The following DCHS2 variants were observed in gnomAD, a reference collection of about 807,000 sequenced individuals.
The protein encoded by DCHS2 is dachsous cadherin-related 2, also known as protocadherin-23.
Under a neutral mutation model 182.4 loss-of-function variants are expected in DCHS2, and 142 were observed. The ratio of observed to expected loss-of-function variants is 0.78; its 90% CI spans 0.68 to 0.89. The LOEUF is 0.89. Ranked by LOEUF, DCHS2 falls within the 40% of genes least tolerant of loss-of-function variation. DCHS2 has a pLI of 0.00. For synonymous variants in DCHS2, 1,740 were observed against 1,663.3 expected (o/e 1.05, Z -1.12); for missense variants, 4,319 against 4,198.6 (o/e 1.03, Z -0.79).
intron 16 of DCHS2, among the ~76,000 whole-genome samples, chr4:154,253,390 A>AAAT (rs1482492180): frequency 6.6e-6 from 1 of 152,188 alleles, no homozygotes; most frequent in Non-Finnish European, 1.5e-5. Context: ...AAGTTGAAAG[A>AAAT]AATTAGATTT....
intron 1 of DCHS2, among the ~76,000 whole-genome samples, chr4:154,416,421 T>G (rs2110903180): frequency 6.6e-6 from 1 of 152,292 alleles, no homozygotes; most frequent in African/African-American, 2.4e-5. Flanking sequence ...TTTCTTTTTC[T>G]TTTCCTTCAG....
intron 2 of DCHS2, among the ~76,000 whole-genome samples, chr4:154,372,419 GT>G (rs1730685557): frequency 6.6e-6 from 1 of 152,200 alleles, no homozygotes; most frequent in Non-Finnish European, 1.5e-5. Flanking sequence ...TCTCATGAAT[GT>G]AAAGAACAGT....
At chr4:154,350,960 A>G (rs889346870) in intron 3 of DCHS2, among the ~76,000 whole-genome samples, 4 of 152,186 alleles carry the variant, frequency 2.6e-5, no homozygotes, top group African/African-American at 9.7e-5. Flanking sequence ...AAAAGAAGGG[A>G]TGGCCAGAGG....
chr4:154,454,199 C>G (rs893682250), intron 1 of DCHS2, among the ~76,000 whole-genome samples: 2 of 152,016 alleles, frequency 1.3e-5, no homozygotes, highest in Non-Finnish European at 2.9e-5. Flanking sequence ...CATGCTCAGG[C>G]CTTTCAAAAG....
intron 14 of DCHS2, among the ~76,000 whole-genome samples, chr4:154,260,779 C>T (rs968137511): frequency 6.6e-5 from 10 of 152,166 alleles, no homozygotes; most frequent in Admixed American, 3.3e-4. Flanking sequence ...AAGCTCCATA[C>T]ACCATCTCTT....
At chr4:154,315,265 A>C (rs1056949261) in intron 10 of DCHS2, among the ~76,000 whole-genome samples, 20 of 152,192 alleles carry the variant, frequency 1.3e-4, no homozygotes, top group African/African-American at 4.6e-4. Flanking sequence ...GTAGGGAAAT[A>C]GAAAGAATTA....
chr4:154,252,629 G>A (rs946269312), intron 16 of DCHS2, among the ~76,000 whole-genome samples: 42 of 146,934 alleles, frequency 2.9e-4, no homozygotes, highest in Admixed American at 2.8e-3. Flanking sequence ...TTCCATCCAT[G>A]TTGTTGCAAA....
chr4:154,341,781 A>G (rs1729120090), intron 3 of DCHS2, among the ~76,000 whole-genome samples: 1 of 152,208 alleles, frequency 6.6e-6, no homozygotes, highest in Non-Finnish European at 1.5e-5. Flanking sequence ...GCGTATCCAT[A>G]GGCTAATCAC....
In DCHS2 at chr4:154,241,247, G is replaced by T. The variant is rs375534706; in HGVS notation, c.7073-424C>A. Among the ~76,000 whole-genome samples, 4 of 152,146 alleles carry T rather than the reference G, an allele frequency of 2.6e-5. No homozygotes were observed. The East Asian group carries it at 7.7e-4, about 29-fold the overall frequency. ...CATGGCATTTTCAAAAACAGGCCAG[G>T]TTTAAATATTTGGGCACTAATGTCC... On this transcript the variant is annotated intron_variant, in intron 17 of 19. Transcript: ENST00000357232.
At chr4:154,252,881 A>T (rs1310842714) in intron 16 of DCHS2, among the ~76,000 whole-genome samples, 3 of 152,100 alleles carry the variant, frequency 2.0e-5, no homozygotes, top group Non-Finnish European at 4.4e-5. Context: ...GAAATGTTTT[A>T]TATTTTAAAA....
At chr4:154,371,336 T>G (rs1730637931) in intron 2 of DCHS2, among the ~76,000 whole-genome samples, 1 of 152,112 alleles carries the variant, frequency 6.6e-6, no homozygotes, top group African/African-American at 2.4e-5. Context: ...GGCACCCAAC[T>G]CACTTCCTGT....
Position 154,491,752 on chromosome 4 carries a change from G to C in DCHS2, c.-397C>G, listed in dbSNP as rs994369200. The C allele has an allele frequency of 1.8e-5, 18 of 1,010,106 alleles. No individual in the cohort carries two copies. Among genetic ancestry groups the C allele is most frequent in the Non-Finnish European group, 1.9e-5 (16 of 847,266 alleles). 62.6% of individuals were successfully genotyped at this position (1,010,106 alleles called of 1,614,324 possible). A position where few individuals can be genotyped will look rare whatever the true frequency, so the allele number is the denominator to read the frequency against. ...AAAAGGAGGAGATTATATGAAGCGC[G>C]CACACACAAGGAGAGGATGGGGATC... is the stretch of plus-strand genomic sequence containing the variant. On this transcript the variant is annotated 5_prime_UTR_variant, in exon 1 of 20. Transcript: ENST00000357232.
At chr4:154,394,810 C>A (rs956355819) in intron 1 of DCHS2, among the ~76,000 whole-genome samples, 1 of 152,176 alleles carries the variant, frequency 6.6e-6, no homozygotes, top group Non-Finnish European at 1.5e-5. Flanking sequence ...CAAGAAAACT[C>A]TTCTCATAAA....
rs903824425 is a variant in DCHS2, at chr4:154,381,088, A to G, written c.2053-3644T>C. Among the ~76,000 whole-genome samples the G allele has an allele frequency of 2.0e-5, 3 of 152,092 alleles. No individual in the cohort carries two copies. In the South Asian group the frequency reaches 6.2e-4, roughly 31 times the overall value. On this transcript the variant is annotated intron_variant, in intron 1 of 19. Transcript: ENST00000357232. ...TATCGCAATCTTATGGTGCTGATTGAGCATCAGAGGATATCTCAAGAGGAT... is the reference window on the plus strand; with the variant it reads ...TATCGCAATCTTATGGTGCTGATTGGGCATCAGAGGATATCTCAAGAGGAT...
chr4:154,427,645 G>C lies in DCHS2; in HGVS notation c.2053-50201C>G, dbSNP rs529428761. ...ATGTCTTGAAAGATGGGAAAATTTAGTCTTATTGAAGTAAAAGGAAAGGGG... is the reference window on the plus strand; with the variant it reads ...ATGTCTTGAAAGATGGGAAAATTTACTCTTATTGAAGTAAAAGGAAAGGGG... On this transcript the variant is annotated intron_variant, in intron 1 of 19. Coordinates refer to ENST00000357232, the MANE Select transcript of DCHS2 (RefSeq NM_001358235.2). Among the ~76,000 whole-genome samples the C allele has an allele frequency of 8.5e-5, 13 of 152,280 alleles. No homozygotes were observed. In the South Asian group the frequency reaches 2.7e-3, roughly 32 times the overall value.
chr4:154,247,736 C>A (rs141093486), intron 16 of DCHS2, among the ~76,000 whole-genome samples: 3 of 151,120 alleles, frequency 2.0e-5, no homozygotes, highest in Non-Finnish European at 4.4e-5. Context: ...CACAGCAATG[C>A]CTTCAAAATT....
At chr4:154,317,242 T>C (rs1221656633) in intron 9 of DCHS2, among the ~76,000 whole-genome samples, 1 of 152,224 alleles carries the variant, frequency 6.6e-6, no homozygotes, top group East Asian at 1.9e-4. Flanking sequence ...ATTACCTATA[T>C]TACCAAAACA....
intron 1 of DCHS2, among the ~76,000 whole-genome samples, chr4:154,411,829 GTACACC>G (rs1422313163): frequency 6.6e-6 from 1 of 152,000 alleles, no homozygotes; most frequent in African/African-American, 2.4e-5. Flanking sequence ...ACATCATGCT[GTACACC>G]TTACATATAC....
chr4:154,255,773 CAT>C (rs1187994024), intron 15 of DCHS2, 103 bp from the exon 16 acceptor site: 4 of 1,400,554 alleles, frequency 2.9e-6, no homozygotes, highest in African/African-American at 2.9e-5. Context: ...GCTTGTCAAA[CAT>C]ATTTTAAAAA....
Sources: allele counts gnomAD v4.1 joint callset (sites outside exome capture counted in the v4.1 genomes callset), GRCh38; gene constraint gnomAD v4.1.1; transcripts MANE v1.5; gene names NCBI Gene and HGNC (gene_info 2026-07-23, HGNC 2026-07-21).